NLRP2: variants seen among roughly 807,000 people sequenced by gnomAD.
NLRP2 encodes NACHT, LRR and PYD domains-containing protein 2.
Under a neutral mutation model 97.2 loss-of-function variants are expected in NLRP2, and 107 were observed. The ratio of observed to expected loss-of-function variants is 1.10; its 90% CI spans 0.94 to 1.29. The LOEUF is 1.29. Among genes scored for constraint, NLRP2 ranks in the 50% most tolerant of loss-of-function variants. The pLI, the probability that NLRP2 is intolerant of heterozygous loss-of-function variation, is 0.00. For missense variants in NLRP2, 1,495 were observed against 1,330.3 expected (o/e 1.12, Z -1.93); for synonymous variants, 663 against 551.5 (o/e 1.20, Z -2.83).
At chr19:54,998,611 C>CTTTTTTTTTTTT (rs375510249) in intron 12 of NLRP2, among the ~76,000 whole-genome samples, 1 of 42,196 alleles carries the variant, frequency 2.4e-5, no homozygotes, top group Non-Finnish European at 4.6e-5. Context: ...CATCTTTTTT[C>CTTTTTTTTTTTT]TTTTTTTTTT....
chr19:54,991,169 G>A, intron 10 of NLRP2: 1 of 184,188 alleles, frequency 5.4e-6, no homozygotes, highest in South Asian at 1.1e-4. Context: ...AAATCAGGTA[G>A]TCTTCTGGGC....
In NLRP2 at chr19:54,970,237, G is replaced by C. The variant is rs750606144; in HGVS notation, c.222G>C (p.Gln74His). 1 of 1,614,052 alleles carries C rather than the reference G, an allele frequency of 6.2e-7. No individual in the cohort carries two copies. The highest frequency in any genetic ancestry group is 1.7e-5 in the Admixed American group (1 of 59,972). ...ACTGGGTGGAGATGGCGAGCCTCCA[G>C]GTCTTTGAAAAGATGCACCGAATGG... ...DSYWVEMASL[Q>H]VFEKMHRMDL... The change falls in exon 2 of 13, where the codon CAG becomes CAC. Residue 74 changes from glutamine to histidine, a missense_variant. Physicochemically the swap from Gln to His is conservative, Grantham distance 24 (BLOSUM62 0). Coordinates refer to ENST00000448584, the MANE Select transcript of NLRP2 (RefSeq NM_017852.5).
chr19:54,991,673 A>C (rs1390201975), intron 10 of NLRP2: 1 of 152,094 alleles, frequency 6.6e-6, no homozygotes, highest in Non-Finnish European at 1.5e-5. Flanking sequence ...GTTTGAGACC[A>C]GCCTGGCTGA....
chr19:54,994,235 T>G, intron 10 of NLRP2, 34 bp from the exon 11 acceptor site: 2 of 1,612,934 alleles, frequency 1.2e-6, no homozygotes, highest in Non-Finnish European at 1.7e-6. Flanking sequence ...ACTCACAGGT[T>G]CGGGTTTGCT....
chr19:54,992,159 G>A (rs916084710), intron 10 of NLRP2, among the ~76,000 whole-genome samples: 6 of 151,572 alleles, frequency 4.0e-5, no homozygotes, highest in Non-Finnish European at 5.9e-5. Flanking sequence ...TGATCCGCCC[G>A]CCTCAGCCTT....
intron 12 of NLRP2, among the ~76,000 whole-genome samples, chr19:54,998,819 G>A (rs1476436154): frequency 8.0e-5 from 12 of 150,484 alleles, no homozygotes; most frequent in Non-Finnish European, 1.6e-4. Flanking sequence ...CTTGAGATTA[G>A]GGAGTGGTGA....
At chr19:54,969,401 C>A (rs1316359965) in intron 1 of NLRP2, among the ~76,000 whole-genome samples, 1 of 151,134 alleles carries the variant, frequency 6.6e-6, no homozygotes, top group Non-Finnish European at 1.5e-5. Context: ...TTGCTTGAAT[C>A]CGGGAGGCAG....
intron 8 of NLRP2, among the ~76,000 whole-genome samples, chr19:54,989,110 G>A (rs545828783): frequency 5.9e-5 from 9 of 151,490 alleles, no homozygotes; most frequent in Admixed American, 2.0e-4. Context: ...GGCACGTGTC[G>A]CCACGCCCAT....
In NLRP2 at chr19:54,982,539, C is replaced by A. The variant is rs76399676; in HGVS notation, c.841C>A (p.Arg281=). The part of the protein sequence containing the change: ...DDIPHILAQA[R]KILFVIDGFD... ...CATTCCACACATCCTAGCCCAAGCACGGAAAATCTTGTTCGTGATTGACGG... is the reference window on the plus strand; with the variant it reads ...CATTCCACACATCCTAGCCCAAGCAAGGAAAATCTTGTTCGTGATTGACGG... The change falls in exon 6 of 13, where the codon CGG becomes AGG. Residue 281 remains arginine, a synonymous_variant. Coordinates refer to ENST00000448584, the MANE Select transcript of NLRP2 (RefSeq NM_017852.5). The A allele has an allele frequency of 6.2e-7, 1 of 1,614,208 alleles. No individual in the cohort carries two copies. The highest frequency in any genetic ancestry group is 8.5e-7 in the Non-Finnish European group (1 of 1,180,046).
chr19:54,985,776 A>G (rs937649225), intron 7 of NLRP2, among the ~76,000 whole-genome samples: 1 of 152,130 alleles, frequency 6.6e-6, no homozygotes, highest in South Asian at 2.1e-4. Flanking sequence ...TGGGGGGATC[A>G]CTTGAGGTCA....
intron 2 of NLRP2, among the ~76,000 whole-genome samples, chr19:54,973,527 C>T (rs191141091): frequency 6.6e-6 from 1 of 151,860 alleles, no homozygotes; most frequent in East Asian, 1.9e-4. Flanking sequence ...AGGCGCCTAC[C>T]ACCATGCCCG....
At chr19:54,976,810 C>CTTTTTTTT (rs749684265) in intron 3 of NLRP2, 7,021 of 314,996 alleles carry the variant, frequency 0.022, 840 homozygotes, top group Non-Finnish European at 0.026. Context: ...CTTGTTCTCT[C>CTTTTTTTT]TCTTTTTTTT....
At chr19:54,981,288 C>G (rs575480916) in intron 4 of NLRP2, among the ~76,000 whole-genome samples, 2 of 152,126 alleles carry the variant, frequency 1.3e-5, no homozygotes, top group South Asian at 4.2e-4. Context: ...AGCCTCTTGG[C>G]CTCCCAAGTA....
At chr19:54,973,805 G>A (rs703467) in intron 2 of NLRP2, 156,900 of 595,168 alleles carry the variant, frequency 0.26, 21,614 homozygotes, top group East Asian at 0.38. Context: ...TGCCAATAGC[G>A]CTCACACAGA....
At chr19:54,976,629 G>A (rs4806462) in intron 3 of NLRP2, among the ~76,000 whole-genome samples, 1 of 151,816 alleles carries the variant, frequency 6.6e-6, no homozygotes, top group Admixed American at 6.6e-5. Context: ...TTACAGGCAT[G>A]AGCCACCTCA....
chr19:54,975,114 T>G (rs1036867823), intron 3 of NLRP2, among the ~76,000 whole-genome samples: 108 of 15,306 alleles, frequency 7.1e-3, no homozygotes, highest in African/African-American at 0.065. Flanking sequence ...TTGTTTTTTT[T>G]TTTTTTTTTT....
chr19:54,986,355 A>G (rs1488510391), intron 8 of NLRP2, 40 bp downstream of exon 8: 1 of 1,573,210 alleles, frequency 6.4e-7, no homozygotes, highest in Non-Finnish European at 8.7e-7. Context: ...TCATACAAAC[A>G]TAAGCTACCA....
intron 3 of NLRP2, among the ~76,000 whole-genome samples, chr19:54,975,463 T>A (rs36005890): frequency 0.18 from 25,914 of 143,988 alleles, 3,998 homozygotes; most frequent in Non-Finnish European, 0.26. Flanking sequence ...TTATTTTTTT[T>A]TTTTTTGAGA....
intron 3 of NLRP2, among the ~76,000 whole-genome samples, chr19:54,977,238 G>A (rs4806463): frequency 0.086 from 13,106 of 151,946 alleles, 799 homozygotes; most frequent in East Asian, 0.24. Flanking sequence ...CCTGACCAAC[G>A]TAGAGAAACC....
Sources: allele counts gnomAD v4.1 joint callset (sites outside exome capture counted in the v4.1 genomes callset), GRCh38; gene constraint gnomAD v4.1.1; transcripts MANE v1.5; gene names NCBI Gene and HGNC (gene_info 2026-07-23, HGNC 2026-07-21).